CPNE3: variants seen among roughly 807,000 people sequenced by gnomAD.
The protein encoded by CPNE3 is copine 3, also known as copine-3.
A neutral mutation model predicts 63.9 loss-of-function variants in CPNE3; 68 were observed. The ratio of observed to expected loss-of-function variants is 1.06; its 90% CI spans 0.87 to 1.30. The LOEUF (loss-of-function observed/expected upper bound fraction) is 1.30, where lower values mean the gene tolerates loss of function less well. Among genes scored for constraint, CPNE3 ranks in the 50% most tolerant of loss-of-function variants. CPNE3 has a pLI of 0.00. For missense variants in CPNE3, 665 were observed against 578.1 expected, an observed-to-expected ratio of 1.15 and a Z score of -1.54; for synonymous variants, 219 against 197.5, an observed-to-expected ratio of 1.11 and a Z score of -0.91.
rs114866256 is a variant in CPNE3, at chr8:86,551,841, T to C, written c.1120+607T>C. 2.1e-3 allele frequency among the ~76,000 whole-genome samples: 319 copies of C among 152,356 alleles called. 2 individuals carry two copies. The highest frequency in any genetic ancestry group is 6.9e-3 in the African/African-American group (286 of 41,590). ...TTTTTCTTTTATTTATTTAAAAAAA[T>C]AGAGACAAGGTCTCGCTATGTTGGC... On this transcript the variant is annotated intron_variant, in intron 14 of 16. Coordinates refer to ENST00000517490, the MANE Select transcript of CPNE3 (RefSeq NM_003909.5).
In CPNE3 at chr8:86,551,098, C is replaced by A. The variant is rs762236512; in HGVS notation, c.1066C>A (p.Gln356Lys). 1 of 1,612,666 alleles carries A rather than the reference C, an allele frequency of 6.2e-7. No homozygotes were observed. Among genetic ancestry groups the A allele is most frequent in the East Asian group, 2.2e-5 (1 of 44,838 alleles). ...TGGCGCTCAGATACCTCCTCAGTGG[C>A]AGGTAAGAGGAAATCTCTATTTTAA... ...GFGAQIPPQW[Q>K]VSHEFPMNFN... Residue 356 changes from glutamine (Q) to lysine (K), a missense_variant and splice_region_variant, in exon 13 of 17, where the codon CAG (glutamine) becomes AAG (lysine). Transcript: ENST00000517490.
chr8:86,522,254 A>G (rs887706984), intron 2 of CPNE3, among the ~76,000 whole-genome samples: 13 of 152,224 alleles, frequency 8.5e-5, no homozygotes, highest in South Asian at 8.3e-4. Flanking sequence ...TACTATTTCT[A>G]TGTATACATA....
intron 14 of CPNE3, among the ~76,000 whole-genome samples, chr8:86,553,549 A>G (rs923352122): frequency 2.0e-5 from 3 of 152,210 alleles, no homozygotes; most frequent in Admixed American, 6.5e-5. Context: ...TTTTTAACCT[A>G]GGAGTAATAG....
At chr8:86,534,784 GT>G (rs1224193297) in intron 6 of CPNE3, among the ~76,000 whole-genome samples, 2 of 152,140 alleles carry the variant, frequency 1.3e-5, no homozygotes, top group African/African-American at 4.8e-5. Flanking sequence ...TTGTGGTATA[GT>G]TTATATAGGA....
intron 2 of CPNE3, among the ~76,000 whole-genome samples, chr8:86,527,766 G>A (rs1001501066): frequency 6.6e-6 from 1 of 151,762 alleles, no homozygotes; most frequent in Non-Finnish European, 1.5e-5. Context: ...GGGGCTTTTG[G>A]TTTTAGTCAA....
chr8:86,521,527 G>A (rs536868415), intron 2 of CPNE3: 9 of 152,090 alleles, frequency 5.9e-5, no homozygotes, highest in African/African-American at 1.7e-4. Context: ...TTTTGATATT[G>A]TTTTTAATTG....
intron 10 of CPNE3, chr8:86,547,329 A>G: frequency 5.7e-6 from 1 of 175,596 alleles, no homozygotes; most frequent in Non-Finnish European, 1.2e-5. Flanking sequence ...ATAAAATGTT[A>G]TGAGTAAAGG....
rs573581115 is a variant in CPNE3 at position 86,552,359 on chromosome 8, G to GT, written c.1120+1126dup. ...TTTGAGGCACTTTCAGTGACTGGTT[G>GT]TGACCTCTTTTATTCCCTAGCCATT... On this transcript the variant is annotated intron_variant, in intron 14 of 16. Transcript: ENST00000517490. Among the ~76,000 whole-genome samples the GT allele has an allele frequency of 6.2e-4, 95 of 152,230 alleles. 3 individuals are homozygous for GT. In the South Asian group the frequency reaches 0.019, roughly 30 times the overall value.
rs148215511 is a variant in CPNE3 at position 86,554,940 on chromosome 8, G to T, written c.1210G>T (p.Val404Leu). 1.9e-6 allele frequency: 3 copies of T among 1,613,938 alleles called. No individual in the cohort carries two copies. The East Asian group carries it at 6.7e-5, about 36-fold the overall frequency. The change falls in exon 15 of 17, where the codon GTG (valine) becomes TTG (leucine). Residue 404 changes from valine (V) to leucine (L), a missense_variant. By Grantham distance (32) the Val-to-Leu change is conservative (BLOSUM62 1). Transcript: ENST00000517490. ...PTNFSPIINH[V>L]ARFAAAATQQ... ...TAATTTTTCTCCAATCATAAATCAC[G>T]TGGCCAGGTTTGCTGCTGCAGCCAC...
chr8:86,536,217 T>A (rs1044049281), intron 6 of CPNE3, among the ~76,000 whole-genome samples: 1 of 150,584 alleles, frequency 6.6e-6, no homozygotes, highest in Non-Finnish European at 1.5e-5. Flanking sequence ...TATACTCATG[T>A]GTGTGTATGT....
At chr8:86,534,910 T>G (rs1195851220) in intron 6 of CPNE3, among the ~76,000 whole-genome samples, 1 of 152,228 alleles carries the variant, frequency 6.6e-6, no homozygotes, top group African/African-American at 2.4e-5. Context: ...TTGTGTGTTT[T>G]GTTCTGTTTT....
chr8:86,535,301 T>A (rs1025938221), intron 6 of CPNE3, among the ~76,000 whole-genome samples: 7 of 151,424 alleles, frequency 4.6e-5, no homozygotes, highest in African/African-American at 1.7e-4. Context: ...GGCTTTTCAG[T>A]GGACAGATAC....
At chr8:86,552,443 A>T (rs1279253464) in intron 14 of CPNE3, among the ~76,000 whole-genome samples, 1 of 152,184 alleles carries the variant, frequency 6.6e-6, no homozygotes, top group African/African-American at 2.4e-5. Flanking sequence ...ATGAAAGTGG[A>T]TAATCTTTAG....
In CPNE3 at chr8:86,554,943, G is replaced by T; in HGVS notation, c.1213G>T (p.Ala405Ser). Residue 405 changes from alanine (A) to serine (S), a missense_variant, in exon 15 of 17, where the codon GCC becomes TCC. Physicochemically the swap from Ala to Ser is moderately conservative, Grantham distance 99. Coordinates refer to ENST00000517490, the MANE Select transcript of CPNE3 (RefSeq NM_003909.5). ...TNFSPIINHV[A>S]RFAAAATQQQ... ...TTTTTCTCCAATCATAAATCACGTG[G>T]CCAGGTTTGCTGCTGCAGCCACGCA... 1.2e-6 allele frequency: 2 copies of T among 1,614,034 alleles called. No homozygotes were observed.
intron 2 of CPNE3, among the ~76,000 whole-genome samples, chr8:86,517,163 T>C (rs1228448040): frequency 1.3e-5 from 2 of 152,212 alleles, no homozygotes; most frequent in Non-Finnish European, 2.9e-5. Flanking sequence ...ATTTATTCTT[T>C]TAATATAACA....
At chr8:86,555,055 T>C in intron 15 of CPNE3, 71 bp downstream of exon 15, 2 of 1,596,540 alleles carry the variant, frequency 1.3e-6, no homozygotes, top group Non-Finnish European at 1.7e-6. Context: ...TTTTTCTATG[T>C]TTTTGGTTTG....
At chr8:86,527,708 T>A (rs1479029916) in intron 2 of CPNE3, among the ~76,000 whole-genome samples, 1 of 151,926 alleles carries the variant, frequency 6.6e-6, no homozygotes, top group Non-Finnish European at 1.5e-5. Context: ...GAACCACTGC[T>A]GCAAAATATT....
Position 86,528,631 on chromosome 8 carries a change from C to A in CPNE3, c.86C>A (p.Pro29His). ...LDKDIGSKSD[P>H]LCVLFLNTSG... ...AAAGATATAGGGTCAAAGTCAGACC[C>A]TTTATGTGTGTTGTTTTTGAATACA... Residue 29 changes from proline to histidine, a missense_variant, in exon 3 of 17, where the codon CCT becomes CAT. By Grantham distance (77) the Pro-to-His change is moderately conservative. Coordinates refer to ENST00000517490, the MANE Select transcript of CPNE3 (RefSeq NM_003909.5). 1.7e-5 allele frequency: 28 copies of A among 1,613,914 alleles called. No individual in the cohort carries two copies. Among genetic ancestry groups the A allele is most frequent in the Non-Finnish European group, 2.4e-5 (28 of 1,179,976 alleles).
At chr8:86,554,024 T>TA (rs1442290448) in intron 14 of CPNE3, 2 of 152,218 alleles carry the variant, frequency 1.3e-5, no homozygotes, top group East Asian at 3.8e-4. Context: ...TACATGCAGC[T>TA]AGGCTGGAGT....
Sources: gnomAD v4.1 joint callset for allele counts (sites outside exome capture counted in the v4.1 genomes callset) on GRCh38, gnomAD v4.1.1 for gene constraint, MANE v1.5 for transcripts, NCBI Gene and HGNC (gene_info 2026-07-23, HGNC 2026-07-21) for gene names.